LIN7A: variants seen among roughly 807,000 people sequenced by gnomAD.
LIN7A encodes the protein protein lin-7 homolog A.
LIN7A carries 25 observed loss-of-function variants against 29.8 expected under a neutral mutation model. That is an observed-to-expected ratio of 0.84 (90% CI 0.61 to 1.17). LIN7A has a LOEUF of 1.17. Among genes scored for constraint, LIN7A ranks in the 50% most tolerant of loss-of-function variants. The pLI, the probability that LIN7A is intolerant of heterozygous loss-of-function variation, is 0.00. For missense variants in LIN7A, 239 were observed against 287.0 expected (o/e 0.83, Z 1.21); for synonymous variants, 118 against 107.5 (o/e 1.10, Z -0.60).
chr12:80,895,413 G>A (rs1006308165), intron 1 of LIN7A, among the ~76,000 whole-genome samples: 1 of 152,180 alleles, frequency 6.6e-6, no homozygotes, highest in African/African-American at 2.4e-5. Flanking sequence ...CATTTAGACT[G>A]TGGAATTTGA....
At position 80,917,361 on chromosome 12, in the gene LIN7A, GA is replaced by G. The variant is rs1193901590; in HGVS notation, c.82+20279del. The stretch of plus-strand genomic sequence containing the variant: ...AAGATTTGAATGCAAAGGATGACCA[GA>G]TCAATGTCTCAGGAAATAAAAGCCA... On this transcript the variant is annotated intron_variant, in intron 1 of 5. Transcript: ENST00000552864. 2.6e-5 allele frequency among the ~76,000 whole-genome samples: 4 copies of G among 152,288 alleles called. No homozygotes were observed. The East Asian group carries it at 7.7e-4, about 29-fold the overall frequency.
intron 2 of LIN7A, among the ~76,000 whole-genome samples, chr12:80,867,469 T>C (rs1327912886): frequency 6.6e-6 from 1 of 152,206 alleles, no homozygotes; most frequent in Non-Finnish European, 1.5e-5. Context: ...GGTATAAACC[T>C]GAACAAAATC....
rs1444387182 is a variant in LIN7A at position 80,807,076 on chromosome 12, T to C, written c.*4389A>G. Among the ~76,000 whole-genome samples, 19 of 126,070 alleles carry C rather than the reference T, an allele frequency of 1.5e-4. 1 individual carries two copies. The highest frequency in any genetic ancestry group is 6.0e-4 in the African/African-American group (18 of 30,200). The allele number at this position is 126,070 out of a possible 152,430, so 82.7% of individuals were successfully genotyped here. ...AATGAAGATGGAGTTTTTTTTTTTT[T>C]TTTTTTTTTTTTTTTGACGGAGTCT... On this transcript the variant is annotated intron_variant, in intron 5 of 5. Transcript: ENST00000552864.
chr12:80,924,840 CTCCTG>C (rs977878807), intron 1 of LIN7A, among the ~76,000 whole-genome samples: 2 of 152,210 alleles, frequency 1.3e-5, no homozygotes, highest in Non-Finnish European at 1.5e-5. Context: ...TAAACTCTAA[CTCCTG>C]TCCTGAACTA....
intron 2 of LIN7A, among the ~76,000 whole-genome samples, chr12:80,857,068 T>G (rs1404206548): frequency 6.6e-6 from 1 of 152,182 alleles, no homozygotes; most frequent in Non-Finnish European, 1.5e-5. Flanking sequence ...GTATTGATAG[T>G]GTCTCTCAAA....
chr12:80,884,832 C>T (rs534071810), intron 2 of LIN7A, among the ~76,000 whole-genome samples: 141 of 152,176 alleles, frequency 9.3e-4, no homozygotes, highest in African/African-American at 3.3e-3. Context: ...TTGTGTTCTG[C>T]GTTTTTGCTT....
intron 4 of LIN7A, among the ~76,000 whole-genome samples, chr12:80,819,639 G>A (rs1871700761): frequency 6.6e-6 from 1 of 152,186 alleles, no homozygotes; most frequent in African/African-American, 2.4e-5. Context: ...TTGAATCTGA[G>A]CTTCTTCCCT....
At chr12:80,884,091 A>C (rs935929884) in intron 2 of LIN7A, among the ~76,000 whole-genome samples, 1 of 152,226 alleles carries the variant, frequency 6.6e-6, no homozygotes, top group Non-Finnish European at 1.5e-5. Context: ...AGCAAATAAA[A>C]TTTGTGACCT....
intron 4 of LIN7A, among the ~76,000 whole-genome samples, chr12:80,823,414 C>G (rs1306972014): frequency 1.3e-5 from 2 of 152,232 alleles, no homozygotes; most frequent in Non-Finnish European, 2.9e-5. Flanking sequence ...GGCATGGAAG[C>G]TGTTTGTGGT....
intron 5 of LIN7A, among the ~76,000 whole-genome samples, chr12:80,799,966 G>A (rs1392104997): frequency 6.6e-6 from 1 of 151,956 alleles, no homozygotes; most frequent in Non-Finnish European, 1.5e-5. Flanking sequence ...AGGCAACATA[G>A]CAAGACCCTT....
intron 2 of LIN7A, among the ~76,000 whole-genome samples, chr12:80,859,471 G>A (rs1565904548): frequency 6.6e-6 from 1 of 152,240 alleles, no homozygotes; most frequent in East Asian, 1.9e-4. Context: ...TATAATTTGT[G>A]AGTTATTTCT....
intron 1 of LIN7A, among the ~76,000 whole-genome samples, chr12:80,917,882 G>A (rs1877105125): frequency 6.6e-6 from 1 of 152,150 alleles, no homozygotes; most frequent in South Asian, 2.1e-4. Context: ...TCCTCCTCAT[G>A]TGTTTTTAAT....
chr12:80,906,712 C>G (rs913330589), intron 1 of LIN7A, among the ~76,000 whole-genome samples: 1 of 152,000 alleles, frequency 6.6e-6, no homozygotes, highest in Non-Finnish European at 1.5e-5. Flanking sequence ...AACCACCTAT[C>G]GGGTACCATG....
At chr12:80,824,846 C>T (rs1213132869) in intron 4 of LIN7A, among the ~76,000 whole-genome samples, 1 of 152,158 alleles carries the variant, frequency 6.6e-6, no homozygotes, top group Non-Finnish European at 1.5e-5. Flanking sequence ...GCAAAATCGG[C>T]ATAGAAGGGA....
chr12:80,830,745 G>T (rs192205137), intron 4 of LIN7A, among the ~76,000 whole-genome samples: 2 of 151,750 alleles, frequency 1.3e-5, no homozygotes, highest in Admixed American at 1.3e-4. Flanking sequence ...CTGGTTTTTC[G>T]TTGCTTCTCT....
chr12:80,913,042 C>T (rs1273197064), intron 1 of LIN7A, among the ~76,000 whole-genome samples: 2 of 152,076 alleles, frequency 1.3e-5, no homozygotes, highest in Non-Finnish European at 2.9e-5. Flanking sequence ...AACACAGGTG[C>T]CTAATTCACA....
intron 2 of LIN7A, among the ~76,000 whole-genome samples, chr12:80,865,672 A>G: frequency 6.6e-6 from 1 of 152,240 alleles, no homozygotes; most frequent in East Asian, 1.9e-4. Flanking sequence ...ATAGTGTTTT[A>G]TGTGAGAAAG....
intron 3 of LIN7A, among the ~76,000 whole-genome samples, chr12:80,847,028 T>C (rs747078914): frequency 9.8e-5 from 15 of 152,350 alleles, no homozygotes; most frequent in Non-Finnish European, 1.8e-4. Context: ...TGCTACTGTC[T>C]GCATTTAGTG....
chr12:80,853,114 T>A (rs940957073), intron 2 of LIN7A, among the ~76,000 whole-genome samples: 1 of 152,196 alleles, frequency 6.6e-6, no homozygotes, highest in African/African-American at 2.4e-5. Context: ...AAAGCATTCT[T>A]GTTTAAGCCA....
Sources: gnomAD v4.1 joint callset for allele counts (sites outside exome capture counted in the v4.1 genomes callset) on GRCh38, gnomAD v4.1.1 for gene constraint, MANE v1.5 for transcripts, NCBI Gene and HGNC (gene_info 2026-07-23, HGNC 2026-07-21) for gene names.